The following PUM3 variants were observed in gnomAD, a reference collection of about 807,000 sequenced individuals.
The protein encoded by PUM3 is pumilio RNA binding family member 3.
In PUM3, 91 loss-of-function variants were observed where a neutral mutation model predicts 84.0. The observed-to-expected ratio is 1.08, with a 90% CI of 0.91 to 1.29. The LOEUF (loss-of-function observed/expected upper bound fraction) is 1.29, where lower values mean the gene tolerates loss of function less well. Ranked by LOEUF, PUM3 falls within the 50% of genes most tolerant of loss-of-function variation. The pLI is 0.00. For synonymous variants in PUM3, 321 were observed against 266.7 expected (o/e 1.20, Z -1.98); for missense variants, 1,067 against 767.5 (o/e 1.39, Z -4.61).
chr9:2,807,895 G>C lies in PUM3; in HGVS notation c.1733C>G (p.Ala578Gly), dbSNP rs1340105560. Residue 578 changes from alanine (A) to glycine (G), a missense_variant, in exon 17 of 18, where the codon GCA becomes GGA. Physicochemically the swap from Ala to Gly is moderately conservative, Grantham distance 60. Coordinates refer to ENST00000397885, the MANE Select transcript of PUM3 (RefSeq NM_014878.5). ...MKENGREGCF[A>G]KTLVEHVGMK... is the part of the protein sequence containing the mutation. The stretch of plus-strand genomic sequence containing the variant: ...ACCAACATGCTCTACAAGTGTTTTT[G>C]CAAAACAACCTGTAAAATATACTGA... The C allele has an allele frequency of 3.1e-6, 5 of 1,609,436 alleles. No homozygotes were observed. The highest frequency in any genetic ancestry group is 4.2e-6 in the Non-Finnish European group (5 of 1,176,536).
rs561894768 is a variant in PUM3, at chr9:2,818,785, T to C, written c.1269+1233A>G. 2.0e-5 allele frequency among the ~76,000 whole-genome samples: 3 copies of C among 152,204 alleles called. 1 individual carries two copies. Among genetic ancestry groups the C allele is most frequent in the African/African-American group, 7.2e-5 (3 of 41,522 alleles). On this transcript the variant is annotated intron_variant, in intron 13 of 17. Transcript: ENST00000397885. Reference sequence around the variant, plus strand: ...AACAGTCAAGGGTAAAGTTGGAAAATGACAGCAAGGGCATGAGAAATTCAC... The same window carrying C: ...AACAGTCAAGGGTAAAGTTGGAAAACGACAGCAAGGGCATGAGAAATTCAC...
At chr9:2,810,117 C>CGG (rs373259463) in intron 16 of PUM3, among the ~76,000 whole-genome samples, 797 of 51,096 alleles carry the variant, frequency 0.016, 12 homozygotes, top group African/African-American at 0.054. Flanking sequence ...GGGGGGCTGG[C>CGG]GGGGGGGGTT....
intron 12 of PUM3, among the ~76,000 whole-genome samples, chr9:2,820,797 A>T (rs1821573783): frequency 6.6e-6 from 1 of 152,216 alleles, no homozygotes; most frequent in African/African-American, 2.4e-5. Context: ...AGAAATACAC[A>T]TGTGGCTTTC....
At chr9:2,829,358 C>A (rs1815909748) in intron 8 of PUM3, among the ~76,000 whole-genome samples, 1 of 152,178 alleles carries the variant, frequency 6.6e-6, no homozygotes, top group Non-Finnish European at 1.5e-5. Flanking sequence ...CAGACACAAT[C>A]TGAAGAAGGG....
chr9:2,830,099 C>G, intron 7 of PUM3, 151 bp from the exon 8 acceptor site: 1 of 590,932 alleles, frequency 1.7e-6, no homozygotes, highest in East Asian at 2.9e-5. Context: ...CTGTGGCCAG[C>G]ACATAGTAAA....
intron 13 of PUM3, among the ~76,000 whole-genome samples, chr9:2,816,618 T>A (rs138576517): frequency 9.2e-4 from 140 of 152,198 alleles, no homozygotes; most frequent in African/African-American, 3.1e-3. Context: ...TTGCAGAGGG[T>A]GTGTGCTCTC....
chr9:2,833,046 T>G (rs1054084895), intron 5 of PUM3, among the ~76,000 whole-genome samples: 6 of 152,178 alleles, frequency 3.9e-5, no homozygotes, highest in African/African-American at 1.4e-4. Flanking sequence ...TATATGGAGT[T>G]TAGAACAACA....
At chr9:2,841,424 G>A (rs945986810) in intron 1 of PUM3, among the ~76,000 whole-genome samples, 2 of 152,066 alleles carry the variant, frequency 1.3e-5, no homozygotes, top group Non-Finnish European at 1.5e-5. Flanking sequence ...ATTTAGCTGG[G>A]CATGGTGGTG....
Position 2,834,901 on chromosome 9 carries a change from G to A in PUM3, c.305-735C>T, listed in dbSNP as rs915068296. Among the ~76,000 whole-genome samples, 5 of 149,092 alleles carry A rather than the reference G, an allele frequency of 3.4e-5. No individual in the cohort carries two copies. In the East Asian group the frequency reaches 8.0e-4, roughly 24 times the overall value. ...AATTGAACTAATGATGCCAAACAAA[G>A]AACAACTTACTAAAATGGGTATTAT... On this transcript the variant is annotated intron_variant, in intron 3 of 17. Coordinates refer to ENST00000397885, the MANE Select transcript of PUM3 (RefSeq NM_014878.5).
intron 15 of PUM3, 54 bp downstream of exon 15, chr9:2,811,307 C>G: frequency 6.5e-7 from 1 of 1,549,128 alleles, no homozygotes; most frequent in East Asian, 2.3e-5. Flanking sequence ...CGTCCAAAAA[C>G]GAAGTTTTTG....
intron 1 of PUM3, among the ~76,000 whole-genome samples, chr9:2,841,349 G>C (rs1019578495): frequency 6.6e-6 from 1 of 152,158 alleles, no homozygotes; most frequent in Non-Finnish European, 1.5e-5. Flanking sequence ...TTGGGAGGCT[G>C]AGGCAGGTGG....
chr9:2,834,214 T>A, intron 3 of PUM3, 48 bp from the exon 4 acceptor site: 2 of 1,525,542 alleles, frequency 1.3e-6, no homozygotes, highest in Non-Finnish European at 1.8e-6. Context: ...ATTCTAAGTG[T>A]CATACACCAA....
chr9:2,812,148 G>A (rs2129797169), intron 14 of PUM3, 72 bp downstream of exon 14: 2 of 1,304,742 alleles, frequency 1.5e-6, no homozygotes, highest in East Asian at 2.3e-5. Context: ...TGGGTAAGTG[G>A]ACTTCTGGAA....
chr9:2,830,820 T>C (rs1416892433), intron 7 of PUM3, 142 bp downstream of exon 7: 2 of 585,814 alleles, frequency 3.4e-6, no homozygotes, highest in South Asian at 2.0e-5. Flanking sequence ...TGATACTCTC[T>C]AAAAACAACA....
At position 2,812,307 on chromosome 9, in the gene PUM3, A is replaced by G. The variant is rs140920207; in HGVS notation, c.1325T>C (p.Leu442Pro). The G allele has an allele frequency of 6.2e-7, 1 of 1,602,270 alleles. No individual in the cohort carries two copies. The highest frequency in any genetic ancestry group is 1.3e-5 in the African/African-American group (1 of 74,786). The change falls in exon 14 of 18, where the codon CTA (leucine) becomes CCA (proline). Residue 442 changes from leucine (L) to proline (P), a missense_variant. Transcript: ENST00000397885. ...ATCTCTGGGGCTTAGTAAGTACAATAGGACCTTCCTTCCATATTTGTCATT... is the reference window on the plus strand; with the variant it reads ...ATCTCTGGGGCTTAGTAAGTACAATGGGACCTTCCTTCCATATTTGTCATT... ...IVNDKYGRKV[L>P]LYLLSPRDPA...
Position 2,841,553 on chromosome 9 carries a change from G to A in PUM3, c.-11+2492C>T, listed in dbSNP as rs189690426. ...ACTACACTCCAGCCTGGGCAACAGAGTGAGACTCTATTTCAAATGTTAAAC... is the reference window on the plus strand; with the variant it reads ...ACTACACTCCAGCCTGGGCAACAGAATGAGACTCTATTTCAAATGTTAAAC... On this transcript the variant is annotated intron_variant, in intron 1 of 17. Transcript: ENST00000397885. Among the ~76,000 whole-genome samples the A allele has an allele frequency of 2.8e-3, 431 of 152,284 alleles. 2 individuals are homozygous for A. Among genetic ancestry groups the A allele is most frequent in the Middle Eastern group, 0.02 (6 of 294 alleles).
At chr9:2,838,636 C>G in intron 1 of PUM3, 119 bp from the exon 2 acceptor site, 1 of 638,060 alleles carries the variant, frequency 1.6e-6, no homozygotes. Flanking sequence ...ACAAATCAGC[C>G]AGATATAGAA....
At chr9:2,823,999 C>T (rs1815739034) in intron 11 of PUM3, among the ~76,000 whole-genome samples, 165 bp from the exon 12 acceptor site, 1 of 151,644 alleles carries the variant, frequency 6.6e-6, no homozygotes, top group South Asian at 2.1e-4. Context: ...TGTAATATAC[C>T]AAAGAAGTTG....
chr9:2,837,984 AC>A (rs1220622767), intron 2 of PUM3, among the ~76,000 whole-genome samples: 2 of 152,200 alleles, frequency 1.3e-5, no homozygotes, highest in African/African-American at 4.8e-5. Context: ...GTAATGGCTA[AC>A]ATTAAGGAAA....
Sources: gnomAD v4.1 joint callset for allele counts (sites outside exome capture counted in the v4.1 genomes callset) on GRCh38, gnomAD v4.1.1 for gene constraint, MANE v1.5 for transcripts, NCBI Gene and HGNC (gene_info 2026-07-23, HGNC 2026-07-21) for gene names.